KANK1: variants seen among roughly 807,000 people sequenced by gnomAD.
KANK1 encodes KN motif and ankyrin repeat domain-containing protein 1.
In KANK1, 109 loss-of-function variants were observed where a neutral mutation model predicts 106.2. That is an observed-to-expected ratio of 1.03 (90% CI 0.88 to 1.20). KANK1 has a LOEUF of 1.20. Ranked by LOEUF, KANK1 falls within the 50% of genes most tolerant of loss-of-function variation. KANK1 has a pLI of 0.00. For synonymous variants in KANK1, 873 were observed against 652.2 expected, an observed-to-expected ratio of 1.34 and a Z score of -5.16; for missense variants, 2,399 against 1,710.7, an observed-to-expected ratio of 1.40 and a Z score of -7.10.
intron 1 of KANK1, among the ~76,000 whole-genome samples, chr9:635,291 C>T (rs997055725): frequency 3.3e-5 from 5 of 152,136 alleles, no homozygotes; most frequent in East Asian, 3.9e-4. Context: ...TACCCGAGTT[C>T]GCTTTGCTCC....
At chr9:488,102 A>T (rs765737720) in intron 3 of KANK1, among the ~76,000 whole-genome samples, 1 of 152,190 alleles carries the variant, frequency 6.6e-6, no homozygotes, top group African/African-American at 2.4e-5. Flanking sequence ...GATGGTCAAC[A>T]TGGCTACGAA....
chr9:698,987 C>T (rs796195740), intron 2 of KANK1, among the ~76,000 whole-genome samples: 8 of 152,278 alleles, frequency 5.3e-5, no homozygotes, highest in African/African-American at 1.9e-4. Context: ...TGTCTGTCCC[C>T]TTTCTGCCTC....
chr9:682,754 G>A (rs1293883124), intron 2 of KANK1, among the ~76,000 whole-genome samples: 1 of 152,054 alleles, frequency 6.6e-6, no homozygotes, highest in Admixed American at 6.5e-5. Context: ...ACTGTTGTGG[G>A]GCTTGAATCT....
intron 3 of KANK1, among the ~76,000 whole-genome samples, chr9:722,485 T>G (rs1288364215): frequency 6.6e-6 from 1 of 152,192 alleles, no homozygotes; most frequent in Non-Finnish European, 1.5e-5. Context: ...GTTGGCCTCT[T>G]TGTTCTTTGG....
At chr9:720,985 T>C (rs1829161769) in intron 3 of KANK1, among the ~76,000 whole-genome samples, 2 of 152,214 alleles carry the variant, frequency 1.3e-5, no homozygotes, top group African/African-American at 4.8e-5. Context: ...TCAGCTTTTA[T>C]ATTGGTTAAT....
intron 1 of KANK1, among the ~76,000 whole-genome samples, chr9:602,461 T>C (rs1451377139): frequency 1.3e-5 from 2 of 151,740 alleles, no homozygotes; most frequent in Admixed American, 6.6e-5. Flanking sequence ...GGTTTCACCA[T>C]GTTGGCCAGG....
At chr9:570,909 A>T (rs1318728401) in intron 1 of KANK1, among the ~76,000 whole-genome samples, 1 of 152,234 alleles carries the variant, frequency 6.6e-6, no homozygotes, top group Non-Finnish European at 1.5e-5. Flanking sequence ...GGCAGTGAAT[A>T]TATTTGTGCT....
At chr9:703,697 A>G (rs964400722) in intron 2 of KANK1, among the ~76,000 whole-genome samples, 1 of 151,832 alleles carries the variant, frequency 6.6e-6, no homozygotes, top group African/African-American at 2.4e-5. Context: ...TAACCCAGGT[A>G]GATTTTTTTT....
chr9:674,520 T>G (rs1456928696), intron 1 of KANK1: 1 of 152,162 alleles, frequency 6.6e-6, no homozygotes, highest in Non-Finnish European at 1.5e-5. Flanking sequence ...TGGCAAGAAA[T>G]TCTCACCCTG....
chr9:517,560 CT>C (rs2059340557), intron 1 of KANK1, among the ~76,000 whole-genome samples: 1 of 151,298 alleles, frequency 6.6e-6, no homozygotes, highest in African/African-American at 2.4e-5. Context: ...CTTTTTTTTC[CT>C]TTAGTGAAAT....
chr9:598,868 G>A (rs1826981747), intron 1 of KANK1, among the ~76,000 whole-genome samples: 1 of 150,036 alleles, frequency 6.7e-6, no homozygotes, highest in African/African-American at 2.5e-5. Context: ...CTGACCTCAG[G>A]TGATCCGCCC....
intron 3 of KANK1, among the ~76,000 whole-genome samples, chr9:485,690 T>C (rs568126307): frequency 1.7e-4 from 26 of 152,068 alleles, no homozygotes; most frequent in African/African-American, 6.3e-4. Flanking sequence ...CCGGCCAACA[T>C]GGTGGAACCT....
At chr9:734,878 G>C in intron 7 of KANK1, 43 bp downstream of exon 7, 1 of 1,411,942 alleles carries the variant, frequency 7.1e-7, no homozygotes, top group Non-Finnish European at 1.0e-6. Flanking sequence ...TGTACAAAGT[G>C]CATGAGTGGG....
intron 1 of KANK1, among the ~76,000 whole-genome samples, chr9:676,681 C>T (rs4742224): frequency 6.6e-6 from 1 of 152,060 alleles, no homozygotes; most frequent in African/African-American, 2.4e-5. Flanking sequence ...TGTAGAGACC[C>T]CCTTTCAGTA....
At chr9:482,540 G>A (rs2058224197) in intron 3 of KANK1, among the ~76,000 whole-genome samples, 1 of 152,176 alleles carries the variant, frequency 6.6e-6, no homozygotes, top group African/African-American at 2.4e-5. Flanking sequence ...AGGCTCAGGG[G>A]TTAAATAACA....
chr9:716,752 C>T (rs1827814119), intron 3 of KANK1, among the ~76,000 whole-genome samples: 1 of 152,132 alleles, frequency 6.6e-6, no homozygotes, highest in Admixed American at 6.6e-5. Flanking sequence ...ACAACTAGAG[C>T]ATGCATCATA....
intron 3 of KANK1, among the ~76,000 whole-genome samples, chr9:488,233 G>T (rs2132264625): frequency 6.6e-6 from 1 of 152,302 alleles, no homozygotes; most frequent in South Asian, 2.1e-4. Context: ...TGAGGTTTTT[G>T]CTGCAATCAG....
intron 1 of KANK1, among the ~76,000 whole-genome samples, chr9:617,122 T>C (rs905632870): frequency 2.6e-5 from 4 of 152,206 alleles, no homozygotes; most frequent in Non-Finnish European, 5.9e-5. Flanking sequence ...GATTTTTTTT[T>C]CATTCTTGCA....
At chr9:484,786 G>A (rs4742044) in intron 3 of KANK1, among the ~76,000 whole-genome samples, 29,999 of 152,154 alleles carry the variant, frequency 0.2, 3,342 homozygotes, top group East Asian at 0.44. Flanking sequence ...GCCCCAGTGA[G>A]CACTGGGCAG....
Sources: allele counts gnomAD v4.1 joint callset (sites outside exome capture counted in the v4.1 genomes callset), GRCh38; gene constraint gnomAD v4.1.1; transcripts MANE v1.5; gene names NCBI Gene and HGNC (gene_info 2026-07-23, HGNC 2026-07-21).